The following DCC variants were observed in gnomAD, a reference collection of about 807,000 sequenced individuals.
DCC encodes the protein DCC netrin 1 receptor, also known as netrin receptor DCC.
In DCC, 58 loss-of-function variants were observed where a neutral mutation model predicts 172.5. That is an observed-to-expected ratio of 0.34 (90% CI 0.27 to 0.42). DCC has a LOEUF of 0.42. Ranked by LOEUF, DCC falls within the 10% of genes least tolerant of loss-of-function variation. DCC has a pLI of 1.00. For synonymous variants in DCC, 709 were observed against 644.5 expected (o/e 1.10, Z -1.52); for missense variants, 1,740 against 1,791.0 (o/e 0.97, Z 0.51).
intron 12 of DCC, among the ~76,000 whole-genome samples, chr18:53,263,437 C>T (rs2056629450): frequency 2.0e-5 from 3 of 152,200 alleles, no homozygotes; most frequent in African/African-American, 7.2e-5. Context: ...CAGGCATGAG[C>T]CACCACACCC....
intron 1 of DCC, among the ~76,000 whole-genome samples, chr18:52,541,988 T>A (rs1249867883): frequency 6.8e-6 from 1 of 147,016 alleles, no homozygotes; most frequent in African/African-American, 2.5e-5. Context: ...ATGTAATATA[T>A]AATATCTCAG....
intron 2 of DCC, among the ~76,000 whole-genome samples, chr18:52,814,367 G>T (rs2038253210): frequency 6.6e-6 from 1 of 152,218 alleles, no homozygotes; most frequent in Non-Finnish European, 1.5e-5. Context: ...CATCTTGACT[G>T]CTGTGAGGAG....
At chr18:53,176,397 CA>C (rs2055095355) in intron 8 of DCC, among the ~76,000 whole-genome samples, 3 of 141,082 alleles carry the variant, frequency 2.1e-5, no homozygotes, top group South Asian at 4.7e-4. Flanking sequence ...AGGCAACCTA[CA>C]AAATGGGAGA....
intron 7 of DCC, among the ~76,000 whole-genome samples, chr18:53,124,988 TATC>T (rs571074272): frequency 4.1e-4 from 62 of 151,792 alleles, no homozygotes; most frequent in African/African-American, 1.4e-3. Flanking sequence ...AAAATGATGC[TATC>T]ATCATCATCA....
At chr18:52,583,841 A>T (rs539422027) in intron 1 of DCC, among the ~76,000 whole-genome samples, 29 of 152,242 alleles carry the variant, frequency 1.9e-4, no homozygotes, top group African/African-American at 7.0e-4. Flanking sequence ...TCTAAATATA[A>T]CTCACTTTAT....
intron 1 of DCC, among the ~76,000 whole-genome samples, chr18:52,354,439 A>T (rs1421890808): frequency 6.6e-6 from 1 of 152,208 alleles, no homozygotes; most frequent in Non-Finnish European, 1.5e-5. Context: ...AGCAACTTAG[A>T]TGGAGGCCTT....
chr18:53,171,977 A>G (rs1268764207), intron 8 of DCC, among the ~76,000 whole-genome samples: 1 of 152,134 alleles, frequency 6.6e-6, no homozygotes, highest in Non-Finnish European at 1.5e-5. Flanking sequence ...CAATTAGGAG[A>G]TTCCTGAAAG....
Position 53,195,258 on chromosome 18 carries a change from G to T in DCC, c.1574-9958G>T, listed in dbSNP as rs562746883. Among the ~76,000 whole-genome samples the T allele has an allele frequency of 1.4e-4, 21 of 152,200 alleles. No homozygotes were observed. The South Asian group carries it at 4.4e-3, about 32-fold the overall frequency. On this transcript the variant is annotated intron_variant, in intron 9 of 28. Transcript: ENST00000442544. Reference sequence around the variant, plus strand: ...GTTTCTGACTTTTCTATGTGATTTTGTCAAAAGGCCTTGACAATTCATTTG... The same window carrying T: ...GTTTCTGACTTTTCTATGTGATTTTTTCAAAAGGCCTTGACAATTCATTTG...
At chr18:52,366,601 G>T (rs1021698612) in intron 1 of DCC, among the ~76,000 whole-genome samples, 1 of 151,766 alleles carries the variant, frequency 6.6e-6, no homozygotes, top group African/African-American at 2.4e-5. Context: ...ACAGAGTGTC[G>T]ATTGGTGCGC....
chr18:52,895,580 TA>T (rs1170216329), intron 2 of DCC, among the ~76,000 whole-genome samples: 18 of 152,318 alleles, frequency 1.2e-4, no homozygotes, highest in East Asian at 7.7e-4. Flanking sequence ...TTCGCTCATT[TA>T]AAAAAAGTTT....
At chr18:53,129,600 G>A (rs1350496446) in intron 7 of DCC, among the ~76,000 whole-genome samples, 3 of 151,620 alleles carry the variant, frequency 2.0e-5, no homozygotes, top group East Asian at 1.9e-4. Flanking sequence ...CTTTTTTTCT[G>A]GCTTTTTTCT....
chr18:53,125,344 T>A (rs2144300854), intron 7 of DCC, among the ~76,000 whole-genome samples: 1 of 152,188 alleles, frequency 6.6e-6, no homozygotes, highest in South Asian at 2.1e-4. Flanking sequence ...ATGGTGACTG[T>A]CATAATGCTC....
intron 7 of DCC, among the ~76,000 whole-genome samples, chr18:53,079,120 A>G (rs946597624): frequency 2.6e-5 from 4 of 152,132 alleles, no homozygotes; most frequent in African/African-American, 9.7e-5. Context: ...AGTTGTAAGG[A>G]AAAGGGAATA....
chr18:53,453,460 TTTTC>T (rs1185070302), intron 23 of DCC, among the ~76,000 whole-genome samples: 1 of 150,900 alleles, frequency 6.6e-6, no homozygotes, highest in African/African-American at 2.5e-5. Flanking sequence ...GAATATAAAT[TTTTC>T]TTTATGTTTT....
chr18:52,873,973 C>T (rs2039361791), intron 2 of DCC, among the ~76,000 whole-genome samples: 1 of 152,168 alleles, frequency 6.6e-6, no homozygotes, highest in South Asian at 2.1e-4. Flanking sequence ...CTTTTGTTCT[C>T]AACTCTCTTA....
chr18:52,557,164 T>A (rs1259418557), intron 1 of DCC, among the ~76,000 whole-genome samples: 1 of 152,218 alleles, frequency 6.6e-6, no homozygotes, highest in East Asian at 1.9e-4. Flanking sequence ...AAGTATAATC[T>A]TTCTTCAAGC....
At chr18:53,477,311 A>G (rs1568157576) in intron 25 of DCC, among the ~76,000 whole-genome samples, 1 of 152,188 alleles carries the variant, frequency 6.6e-6, no homozygotes, top group Non-Finnish European at 1.5e-5. Context: ...GCCTGGCCCA[A>G]ATAAATTCTT....
At chr18:52,916,196 CT>C (rs1487216411) in intron 3 of DCC, among the ~76,000 whole-genome samples, 1 of 127,498 alleles carries the variant, frequency 7.8e-6, no homozygotes, top group Non-Finnish European at 1.6e-5. Context: ...GTGTTTCAAG[CT>C]GAATTAGCTA....
intron 15 of DCC, among the ~76,000 whole-genome samples, chr18:53,359,020 TA>T (rs1040213757): frequency 1.3e-5 from 2 of 151,946 alleles, no homozygotes; most frequent in Non-Finnish European, 2.9e-5. Context: ...GACTTAAAGA[TA>T]AAGTAAGATT....
Sources: allele counts gnomAD v4.1 joint callset (sites outside exome capture counted in the v4.1 genomes callset), GRCh38; gene constraint gnomAD v4.1.1; transcripts MANE v1.5; gene names NCBI Gene and HGNC (gene_info 2026-07-23, HGNC 2026-07-21).